The following PAK2 variants were observed in gnomAD, a reference collection of about 807,000 sequenced individuals.
The protein encoded by PAK2 is serine/threonine-protein kinase PAK 2.
In PAK2, 21 loss-of-function variants were observed where a neutral mutation model predicts 65.9. The observed-to-expected ratio is 0.32, with a 90% CI of 0.23 to 0.46. The LOEUF (loss-of-function observed/expected upper bound fraction) is 0.46. Ranked by LOEUF, PAK2 falls within the 20% of genes least tolerant of loss-of-function variation. The probability of loss-of-function intolerance (pLI) is 1.00; values close to 1 mark genes in which losing one functional copy is unlikely to be tolerated. For synonymous variants in PAK2, 204 were observed against 219.7 expected (o/e 0.93, Z 0.63); for missense variants, 324 against 642.6 (o/e 0.50, Z 5.36).
At chr3:196,822,426 C>T (rs941547230) in intron 13 of PAK2, among the ~76,000 whole-genome samples, 1 of 152,192 alleles carries the variant, frequency 6.6e-6, no homozygotes, top group African/African-American at 2.4e-5. Flanking sequence ...CAGTGGCTCA[C>T]GCCTGTCATC....
At chr3:196,799,971 C>T (rs534471306) in intron 2 of PAK2, among the ~76,000 whole-genome samples, 2 of 152,250 alleles carry the variant, frequency 1.3e-5, no homozygotes, top group East Asian at 3.9e-4. Flanking sequence ...ATAAAGCGTA[C>T]CGAACGGATG....
At chr3:196,780,497 C>T (rs2108738040) in intron 1 of PAK2, among the ~76,000 whole-genome samples, 1 of 152,272 alleles carries the variant, frequency 6.6e-6, no homozygotes, top group South Asian at 2.1e-4. Flanking sequence ...AGATGTACTC[C>T]CTATCAGGAG....
intron 2 of PAK2, among the ~76,000 whole-genome samples, chr3:196,794,092 T>C (rs1359460530): frequency 6.6e-6 from 1 of 151,790 alleles, no homozygotes; most frequent in Non-Finnish European, 1.5e-5. Flanking sequence ...GATTGCGCCA[T>C]TGCACTCCAG....
At chr3:196,790,731 C>T (rs1456494118) in intron 2 of PAK2, among the ~76,000 whole-genome samples, 2 of 152,140 alleles carry the variant, frequency 1.3e-5, no homozygotes, top group East Asian at 1.9e-4. Context: ...TGCTGTAAAG[C>T]GTTGCAACCA....
At chr3:196,807,515 C>T (rs1048157572) in intron 6 of PAK2, among the ~76,000 whole-genome samples, 1 of 152,124 alleles carries the variant, frequency 6.6e-6, no homozygotes, top group Non-Finnish European at 1.5e-5. Context: ...CCATTTTAGA[C>T]CTGGTCACAC....
chr3:196,758,914 T>C (rs1713852181), intron 1 of PAK2, among the ~76,000 whole-genome samples: 1 of 152,172 alleles, frequency 6.6e-6, no homozygotes, highest in Admixed American at 6.5e-5. Context: ...CACCTCAGTG[T>C]GCCAAAGTGC....
At chr3:196,743,776 G>A (rs1455543740) in intron 1 of PAK2, among the ~76,000 whole-genome samples, 1 of 152,108 alleles carries the variant, frequency 6.6e-6, no homozygotes, top group East Asian at 1.9e-4. Flanking sequence ...CAGCTACTCA[G>A]GAGGCTGAGG....
In PAK2 at chr3:196,820,597, A is replaced by G. The variant is rs1711612174; in HGVS notation, c.1350+30A>G. On this transcript the variant is annotated intron_variant, in intron 13 of 14. Transcript: ENST00000327134. The surrounding 1 kb of genome is among the most constrained non-coding windows in gnomAD (Gnocchi z 4.6). ...GATGAGTTAAACACCAGCCTTGTTC[A>G]ATGTTTTTCTTTGAAACTCTTATTT... The G allele has an allele frequency of 7.9e-7, 1 of 1,260,700 alleles. No individual in the cohort carries two copies. Among genetic ancestry groups the G allele is most frequent in the East Asian group, 2.5e-5 (1 of 39,838 alleles). The allele number at this position is 1,260,700 out of a possible 1,614,324, so 78.1% of individuals were successfully genotyped here.
intron 7 of PAK2, among the ~76,000 whole-genome samples, chr3:196,808,298 C>T (rs1399800485): frequency 6.6e-6 from 1 of 151,278 alleles, no homozygotes; most frequent in South Asian, 2.1e-4. Flanking sequence ...CGCGGTGGCT[C>T]ACGCCTGTAA....
At chr3:196,822,211 A>G (rs890405889) in intron 13 of PAK2, among the ~76,000 whole-genome samples, 1 of 152,236 alleles carries the variant, frequency 6.6e-6, no homozygotes, top group African/African-American at 2.4e-5. Context: ...GGTACCTGCC[A>G]TGCGCTGAGC....
At chr3:196,793,453 G>C (rs1440027363) in intron 2 of PAK2, among the ~76,000 whole-genome samples, 2 of 152,184 alleles carry the variant, frequency 1.3e-5, no homozygotes, top group African/African-American at 4.8e-5. Flanking sequence ...CATGCATGCT[G>C]TCCTTATCTT....
chr3:196,815,545 T>C (rs1200205203), intron 11 of PAK2, among the ~76,000 whole-genome samples: 2 of 151,192 alleles, frequency 1.3e-5, no homozygotes, highest in Non-Finnish European at 2.9e-5. Context: ...TACCAGCACT[T>C]TGGGAGGCCG....
intron 13 of PAK2, among the ~76,000 whole-genome samples, chr3:196,821,050 A>G (rs1231155574): frequency 6.6e-6 from 1 of 152,172 alleles, no homozygotes; most frequent in East Asian, 1.9e-4. Flanking sequence ...ATGTTGGGTC[A>G]GGCTGGTCTC....
At chr3:196,780,881 C>T (rs574000326) in intron 1 of PAK2, among the ~76,000 whole-genome samples, 4 of 152,276 alleles carry the variant, frequency 2.6e-5, no homozygotes, top group South Asian at 2.1e-4. Flanking sequence ...CTCTGCCTCC[C>T]GGGTTCACGC....
intron 11 of PAK2, among the ~76,000 whole-genome samples, chr3:196,815,500 A>G (rs968523699): frequency 6.6e-6 from 1 of 151,458 alleles, no homozygotes; most frequent in African/African-American, 2.4e-5. Flanking sequence ...AAAAAAAAAA[A>G]AAAAGAGGCT....
intron 1 of PAK2, among the ~76,000 whole-genome samples, chr3:196,742,214 G>C (rs748315003): frequency 2.0e-5 from 3 of 150,498 alleles, no homozygotes; most frequent in Non-Finnish European, 2.9e-5. Context: ...TCAGCCTGCT[G>C]AGTAGCTGGG....
At chr3:196,813,687 C>CA (rs1336668676) in intron 10 of PAK2, among the ~76,000 whole-genome samples, 2 of 152,110 alleles carry the variant, frequency 1.3e-5, no homozygotes, top group Non-Finnish European at 2.9e-5. Flanking sequence ...CACGGTAGCT[C>CA]ACGCCTGTAA....
intron 1 of PAK2, among the ~76,000 whole-genome samples, chr3:196,743,156 T>C (rs977900461): frequency 6.6e-6 from 1 of 152,214 alleles, no homozygotes; most frequent in Non-Finnish European, 1.5e-5. Context: ...TTTTCTTCTG[T>C]GATCAGAGTT....
rs373638854 is a variant in PAK2, at chr3:196,802,041, G to A, written c.288+14G>A. On this transcript the variant is annotated intron_variant, in intron 3 of 14. Coordinates refer to ENST00000327134, the MANE Select transcript of PAK2 (RefSeq NM_002577.4). ...GGAGAATTCACTGTAAGTTAACCTA[G>A]TTCGGGCCCATTTATAACGTTTAAA... 4 of 1,281,980 alleles carry A rather than the reference G, an allele frequency of 3.1e-6. No homozygotes were observed. In the Admixed American group the frequency reaches 5.2e-5, roughly 17 times the overall value. 79.4% of individuals were successfully genotyped at this position (1,281,980 alleles called of 1,614,324 possible).
Sources: allele counts gnomAD v4.1 joint callset (sites outside exome capture counted in the v4.1 genomes callset), GRCh38; gene constraint gnomAD v4.1.1; non-coding constraint Gnocchi (gnomAD v3.1); transcripts MANE v1.5; gene names NCBI Gene and HGNC (gene_info 2026-07-23, HGNC 2026-07-21).